The following TRAIP variants were observed in gnomAD, a reference collection of about 807,000 sequenced individuals.
TRAIP encodes the protein TRAF interacting protein, also known as E3 ubiquitin-protein ligase TRAIP.
TRAIP carries 37 observed loss-of-function variants against 65.0 expected under a neutral mutation model. That is an observed-to-expected ratio of 0.57 (90% CI 0.44 to 0.75). The LOEUF (loss-of-function observed/expected upper bound fraction) is 0.75. Among genes scored for constraint, TRAIP ranks in the 30% least tolerant of loss-of-function variants. The probability of loss-of-function intolerance (pLI) is 0.00; values close to 1 mark genes in which losing one functional copy is unlikely to be tolerated. For missense variants in TRAIP, 481 were observed against 579.4 expected (o/e 0.83, Z 1.74); for synonymous variants, 187 against 219.1 (o/e 0.85, Z 1.29).
chr3:49,832,463 C>G (rs2081742712), intron 10 of TRAIP, among the ~76,000 whole-genome samples: 1 of 143,820 alleles, frequency 7.0e-6, no homozygotes, highest in Non-Finnish European at 1.5e-5. Context: ...GCACTCCAGC[C>G]TGGGCGACAG....
chr3:49,838,097 G>T (rs551872755), intron 10 of TRAIP, among the ~76,000 whole-genome samples: 3 of 152,146 alleles, frequency 2.0e-5, no homozygotes, highest in East Asian at 1.9e-4. Context: ...TGAACTCCTG[G>T]ACTCAAGCAA....
chr3:49,831,802 C>T, intron 11 of TRAIP, 114 bp downstream of exon 11: 1 of 1,272,698 alleles, frequency 7.9e-7, no homozygotes, highest in Non-Finnish European at 1.0e-6. Context: ...ATGGCCAAGC[C>T]TAGGCAACCC....
intron 14 of TRAIP, 85 bp from the exon 15 acceptor site, chr3:49,829,310 C>T (rs2081710779): frequency 5.5e-5 from 89 of 1,612,712 alleles, no homozygotes; most frequent in Non-Finnish European, 7.5e-5. Context: ...AAGAAAGGCT[C>T]AGAGCCGGGG....
chr3:49,839,927 G>A, intron 9 of TRAIP, 67 bp from the exon 10 acceptor site: 1 of 1,490,042 alleles, frequency 6.7e-7, no homozygotes, highest in Non-Finnish European at 9.4e-7. Context: ...TAATGCAGAG[G>A]ACATGAGCAG....
At chr3:49,835,734 T>C (rs1386993840) in intron 10 of TRAIP, among the ~76,000 whole-genome samples, 1 of 151,522 alleles carries the variant, frequency 6.6e-6, no homozygotes, top group Non-Finnish European at 1.5e-5. Flanking sequence ...GGTCAGGAGA[T>C]GGAGACCATC....
rs117744900 is a variant in TRAIP, at chr3:49,844,760, A to G, written c.241-180T>C. 7.9e-5 allele frequency among the ~76,000 whole-genome samples: 12 copies of G among 152,352 alleles called. No homozygotes were observed. The East Asian group carries it at 2.3e-3, about 29-fold the overall frequency. ...GAAAGATAAGCACTGCTGTAGCTCT[A>G]TGTGCCCTTTTGAAAAGTAGGTAAG... On this transcript the variant is annotated intron_variant, in intron 3 of 14. Transcript: ENST00000331456.
rs201743995 is a variant in TRAIP, at chr3:49,832,575, A to AC, written c.885-508dup. Among the ~76,000 whole-genome samples, 884 of 149,822 alleles carry AC rather than the reference A, an allele frequency of 5.9e-3. 13 individuals are homozygous for AC. The highest frequency in any genetic ancestry group is 0.021 in the African/African-American group (851 of 40,598). On this transcript the variant is annotated intron_variant, in intron 10 of 14. Transcript: ENST00000331456. Reference sequence around the variant, plus strand: ...GTATAGTGCAATTACATGATTTGGCACCCCCCCACCACTCCCACATGCAGA... The same window carrying AC: ...GTATAGTGCAATTACATGATTTGGCACCCCCCCCACCACTCCCACATGCAGA...
In TRAIP at chr3:49,856,543, A is replaced by T. The variant is rs1181119282; in HGVS notation, c.-90T>A. On this transcript the variant is annotated 5_prime_UTR_variant, in exon 1 of 15. Coordinates refer to ENST00000331456, the MANE Select transcript of TRAIP (RefSeq NM_005879.3). ...GCCCCCGCGCCTCCGCTTGCTTCAA[A>T]TTTGGCTCCGCAGCACGACTTCCTG... The T allele has an allele frequency of 7.4e-6, 9 of 1,209,294 alleles. No homozygotes were observed. In the East Asian group the frequency reaches 2.3e-4, roughly 31 times the overall value. 74.9% of individuals were successfully genotyped at this position (1,209,294 alleles called of 1,614,324 possible).
Position 49,828,936 on chromosome 3 carries a change from G to A in TRAIP, c.*167C>T. On this transcript the variant is annotated 3_prime_UTR_variant, in exon 15 of 15. Coordinates refer to ENST00000331456, the MANE Select transcript of TRAIP (RefSeq NM_005879.3). ...GTCGTAGGAGTGGGGCAGGGTGAGG[G>A]CAGGAAGAGCAGTCTCTGGGTGCCA... 2.3e-6 allele frequency: 2 copies of A among 886,022 alleles called. No individual in the cohort carries two copies. The highest frequency in any genetic ancestry group is 3.6e-6 in the Non-Finnish European group (2 of 561,664). The allele number at this position is 886,022 out of a possible 1,614,324, so 54.9% of individuals were successfully genotyped here.
At chr3:49,840,456 T>C (rs2081829067) in intron 8 of TRAIP, 83 bp from the exon 9 acceptor site, 1 of 1,174,236 alleles carries the variant, frequency 8.5e-7, no homozygotes, top group Non-Finnish European at 1.3e-6. Flanking sequence ...CAGGGAGTGA[T>C]CAAGGTAGCC....
chr3:49,829,165 C>A lies in TRAIP; in HGVS notation c.1348G>T (p.Val450Leu). 1 of 1,614,250 alleles carries A rather than the reference C, an allele frequency of 6.2e-7. No homozygotes were observed. The highest frequency in any genetic ancestry group is 2.2e-5 in the East Asian group (1 of 44,892). Residue 450 changes from valine to leucine, a missense_variant, in exon 15 of 15, where the codon GTG (valine) becomes TTG (leucine). Transcript: ENST00000331456. ...VKPKTKVKQR[V>L]RVKTVPSLFQ... ...AGAGAAGGCACTGTCTTCACCCTCA[C>A]CCTCTGCTTAACCTTGGTCTTGGGC...
chr3:49,829,545 T>TG (rs1559444152), intron 13 of TRAIP, 37 bp from the exon 14 acceptor site: 1 of 1,613,996 alleles, frequency 6.2e-7, no homozygotes, highest in Non-Finnish European at 8.5e-7. Flanking sequence ...GCCAGGCTAA[T>TG]GGGCTGGGGG....
At position 49,832,717 on chromosome 3, in the gene TRAIP, T is replaced by TG. The variant is rs796247335; in HGVS notation, c.885-650dup. Among the ~76,000 whole-genome samples the TG allele has an allele frequency of 2.8e-3, 77 of 27,460 alleles. 2 individuals are homozygous for TG. Among genetic ancestry groups the TG allele is most frequent in the South Asian group, 0.01 (4 of 384 alleles). 18.0% of individuals were successfully genotyped at this position (27,460 alleles called of 152,430 possible). On this transcript the variant is annotated intron_variant, in intron 10 of 14. Coordinates refer to ENST00000331456, the MANE Select transcript of TRAIP (RefSeq NM_005879.3). Reference sequence around the variant, plus strand: ...TTATAACACGGGGGGGGGGGGGGGGTGGGGGGTGGGGAGTGAAGTTTTATT... The same window carrying TG: ...TTATAACACGGGGGGGGGGGGGGGGTGGGGGGGTGGGGAGTGAAGTTTTATT...
In TRAIP at chr3:49,843,819, CATCTCGGCCTTGCCCA is replaced by C. The variant is rs1454013454; in HGVS notation, c.374_389del (p.Leu125CysfsTer6). On this transcript the variant is annotated frameshift_variant, in exon 5 of 15. Coordinates refer to ENST00000331456, the MANE Select transcript of TRAIP (RefSeq NM_005879.3). LOFTEE classifies it high-confidence loss of function. ...GACCTACTTTCAGTGTGGAGCACAG[CATCTCGGCCTTGCCCA>C]AGGCCTGCTGCAGAGATACCACAGT... 5 of 1,613,500 alleles carry C rather than the reference CATCTCGGCCTTGCCCA, an allele frequency of 3.1e-6. No homozygotes were observed. Among genetic ancestry groups the C allele is most frequent in the Non-Finnish European group, 4.2e-6 (5 of 1,179,522 alleles).
intron 11 of TRAIP, among the ~76,000 whole-genome samples, chr3:49,831,325 T>A (rs970057909): frequency 6.6e-6 from 1 of 152,258 alleles, no homozygotes; most frequent in African/African-American, 2.4e-5. Flanking sequence ...AGTACCTGTA[T>A]GAATGAGTAT....
At position 49,839,822 on chromosome 3, in the gene TRAIP, C is replaced by G. The variant is rs142842071; in HGVS notation, c.834G>C (p.Leu278Phe). Reference protein sequence around the residue: ...KKKLTMLQETLNLPPVASETV... With the variant: ...KKKLTMLQETFNLPPVASETV... ...TCTCACTGGCCACTGGTGGCAGGTT[C>G]AAGGTTTCCTGCAGCATCGTTAGCT... Residue 278 changes from leucine to phenylalanine, a missense_variant, in exon 10 of 15, where the codon TTG becomes TTC. By Grantham distance (22) the Leu-to-Phe change is conservative (BLOSUM62 0). Transcript: ENST00000331456. 6.2e-7 allele frequency: 1 copy of G among 1,614,116 alleles called. No individual in the cohort carries two copies. The highest frequency in any genetic ancestry group is 1.3e-5 in the African/African-American group (1 of 74,946).
chr3:49,853,077 G>A (rs911573092), intron 1 of TRAIP, among the ~76,000 whole-genome samples: 35 of 150,746 alleles, frequency 2.3e-4, no homozygotes, highest in African/African-American at 8.5e-4. Flanking sequence ...AGTTGAGATT[G>A]TCCCACTGTG....
In TRAIP at chr3:49,842,517, C is replaced by T; in HGVS notation, c.439G>A (p.Asp147Asn). Residue 147 changes from aspartate (D) to asparagine (N), a missense_variant, in exon 6 of 15, where the codon GAT (aspartate) becomes AAT (asparagine). Physicochemically the swap from Asp to Asn is conservative, Grantham distance 23 (BLOSUM62 1). Coordinates refer to ENST00000331456, the MANE Select transcript of TRAIP (RefSeq NM_005879.3). ...TCCTCTTGTGCTTGTTTGGTCTCAT[C>T]CTGCTGCTGCTCTAAGTACTTCATC... Reference protein sequence around the residue: ...KQMKYLEQQQDETKQAQEEAR... With the variant: ...KQMKYLEQQQNETKQAQEEAR... The T allele has an allele frequency of 6.2e-7, 1 of 1,613,948 alleles. No individual in the cohort carries two copies. The highest frequency in any genetic ancestry group is 8.5e-7 in the Non-Finnish European group (1 of 1,180,010).
intron 1 of TRAIP, among the ~76,000 whole-genome samples, chr3:49,850,893 C>T (rs1159037415): frequency 2.6e-5 from 4 of 151,684 alleles, no homozygotes; most frequent in Non-Finnish European, 4.4e-5. Flanking sequence ...CTGATCCACC[C>T]GCCTCGGACT....
Sources: allele counts gnomAD v4.1 joint callset (sites outside exome capture counted in the v4.1 genomes callset), GRCh38; gene constraint gnomAD v4.1.1; transcripts MANE v1.5; gene names NCBI Gene and HGNC (gene_info 2026-07-23, HGNC 2026-07-21).